Variants in FNIP1 observed in about 807,000 individuals in gnomAD.
FNIP1 encodes folliculin-interacting protein 1.
FNIP1 carries 40 observed loss-of-function variants against 124.5 expected under a neutral mutation model. The ratio of observed to expected loss-of-function variants is 0.32; its 90% CI spans 0.25 to 0.42. FNIP1 has a LOEUF of 0.42. Among genes scored for constraint, FNIP1 ranks in the 10% least tolerant of loss-of-function variants. The pLI is 1.00. For missense variants in FNIP1, 1,176 were observed against 1,403.7 expected, an observed-to-expected ratio of 0.84 and a Z score of 2.59; for synonymous variants, 472 against 470.6, an observed-to-expected ratio of 1.00 and a Z score of -0.04.
intron 1 of FNIP1, among the ~76,000 whole-genome samples, chr5:131,761,916 C>T (rs1771244723): frequency 6.6e-6 from 1 of 152,138 alleles, no homozygotes; most frequent in Non-Finnish European, 1.5e-5. Flanking sequence ...AAAACAAACA[C>T]ACAGACCAAT....
chr5:131,731,041 G>C lies in FNIP1; in HGVS notation c.220-3C>G, dbSNP rs754024842. The C allele has an allele frequency of 6.3e-7, 1 of 1,597,432 alleles. No individual in the cohort carries two copies. The highest frequency in any genetic ancestry group is 8.5e-7 in the Non-Finnish European group (1 of 1,175,138). ...ACTTGAGCATCACTGCCGAGTTTCT[G>C]AAATAACAGATATTTCCACTCATGT... On this transcript the variant is annotated splice_polypyrimidine_tract_variant and splice_region_variant and intron_variant, in intron 2 of 17. Coordinates refer to ENST00000510461, the MANE Select transcript of FNIP1 (RefSeq NM_133372.3).
chr5:131,772,639 C>T (rs939460644), intron 1 of FNIP1, among the ~76,000 whole-genome samples: 1 of 152,156 alleles, frequency 6.6e-6, no homozygotes, highest in Non-Finnish European at 1.5e-5. Flanking sequence ...TTTGGCACTA[C>T]CATGGCCCAT....
intron 1 of FNIP1, among the ~76,000 whole-genome samples, chr5:131,770,902 G>A (rs1435121933): frequency 6.6e-6 from 1 of 152,092 alleles, no homozygotes; most frequent in Non-Finnish European, 1.5e-5. Context: ...AACATTTTCA[G>A]GAAAGATGAA....
At chr5:131,767,199 C>T (rs531724091) in intron 1 of FNIP1, among the ~76,000 whole-genome samples, 4 of 151,804 alleles carry the variant, frequency 2.6e-5, no homozygotes, top group South Asian at 4.2e-4. Context: ...TTTGGGAGGC[C>T]GAGGTGGGCA....
intron 1 of FNIP1, 33 bp downstream of exon 1, chr5:131,796,797 C>A (rs779681451): frequency 5.9e-5 from 91 of 1,546,344 alleles, no homozygotes; most frequent in Non-Finnish European, 7.8e-5. Context: ...ACAAGGCCAT[C>A]GGCTCCGCGA....
chr5:131,766,945 C>T (rs1487802768), intron 1 of FNIP1, among the ~76,000 whole-genome samples: 29 of 152,136 alleles, frequency 1.9e-4, no homozygotes, highest in Admixed American at 1.9e-3. Flanking sequence ...GGCTGATCTG[C>T]ACTCCGTCCA....
At chr5:131,786,740 C>T (rs186252921) in intron 1 of FNIP1, among the ~76,000 whole-genome samples, 108 of 152,240 alleles carry the variant, frequency 7.1e-4, no homozygotes, top group Middle Eastern at 3.4e-3. Flanking sequence ...AGTTCAGCAC[C>T]CCCTTGCTCT....
intron 15 of FNIP1, among the ~76,000 whole-genome samples, chr5:131,667,893 ATTTC>A (rs1168217645): frequency 6.6e-6 from 1 of 152,024 alleles, no homozygotes; most frequent in Non-Finnish European, 1.5e-5. Context: ...GGGCCTCTCT[ATTTC>A]TTTATTAACT....
intron 2 of FNIP1, 145 bp downstream of exon 2, chr5:131,744,419 T>G: frequency 1.3e-6 from 1 of 745,776 alleles, no homozygotes; most frequent in Non-Finnish European, 2.0e-6. Context: ...AATCAAAATG[T>G]TAGATTCACC....
At chr5:131,795,567 T>C (rs1394836162) in intron 1 of FNIP1, 1 of 152,306 alleles carries the variant, frequency 6.6e-6, no homozygotes, top group East Asian at 1.9e-4. Flanking sequence ...CTTTCATTTT[T>C]CAAAGGAAAA....
intron 5 of FNIP1, among the ~76,000 whole-genome samples, chr5:131,718,429 G>C (rs1386977921): frequency 6.6e-6 from 1 of 152,052 alleles, no homozygotes; most frequent in Non-Finnish European, 1.5e-5. Flanking sequence ...TCTCTCTCTG[G>C]GGTCTTCCAC....
At chr5:131,745,995 GT>G (rs1770665240) in intron 1 of FNIP1, among the ~76,000 whole-genome samples, 1 of 152,164 alleles carries the variant, frequency 6.6e-6, no homozygotes, top group Non-Finnish European at 1.5e-5. Context: ...TATGTTCTCT[GT>G]TTTGACCAGA....
intron 1 of FNIP1, among the ~76,000 whole-genome samples, chr5:131,776,251 AT>A (rs2149580812): frequency 6.6e-6 from 1 of 152,320 alleles, no homozygotes; most frequent in South Asian, 2.1e-4. Context: ...TACATCCACA[AT>A]TACATTGGGG....
At chr5:131,720,009 G>A (rs912228398) in intron 3 of FNIP1, among the ~76,000 whole-genome samples, 1 of 152,014 alleles carries the variant, frequency 6.6e-6, no homozygotes, top group Non-Finnish European at 1.5e-5. Flanking sequence ...AACCACAGAA[G>A]ACCACAACCT....
intron 2 of FNIP1, among the ~76,000 whole-genome samples, chr5:131,735,995 G>A (rs1188028209): frequency 6.6e-6 from 1 of 152,026 alleles, no homozygotes; most frequent in Non-Finnish European, 1.5e-5. Flanking sequence ...TCAAACTCCT[G>A]GGCTAAAGTA....
At chr5:131,717,441 T>C (rs1769508072) in intron 5 of FNIP1, among the ~76,000 whole-genome samples, 1 of 152,212 alleles carries the variant, frequency 6.6e-6, no homozygotes, top group Non-Finnish European at 1.5e-5. Context: ...ATTTACTATC[T>C]GGATCTTTAA....
chr5:131,771,097 A>G lies in FNIP1; in HGVS notation c.92+25733T>C, dbSNP rs183485872. On this transcript the variant is annotated intron_variant, in intron 1 of 17. Transcript: ENST00000510461. ...ACGCTATCCCTCCCCACTCCCCACA[A>G]CAGTCCCCAGAGTGTGATGTTCCCC... is the stretch of plus-strand genomic sequence containing the variant. Among the ~76,000 whole-genome samples the G allele has an allele frequency of 2.5e-3, 384 of 152,136 alleles. 1 individual carries two copies. The highest frequency in any genetic ancestry group is 4.0e-3 in the Non-Finnish European group (272 of 67,986).
rs762215239 is a variant in FNIP1, at chr5:131,706,461, A to G, written c.864T>C (p.Arg288=). ...AACTTGTTGTTTGGCTGCGTCGCCA[A>G]CGTCGCTGGTAGCTGCTGGCACAAC... is the stretch of plus-strand genomic sequence containing the variant. ...TRSCASSYQR[R]WRRSQTTSLE... Residue 288 remains arginine, a synonymous_variant, in exon 9 of 18, where the codon CGT becomes CGC. Transcript: ENST00000510461. The G allele has an allele frequency of 4.3e-6, 7 of 1,613,408 alleles. No homozygotes were observed. Among genetic ancestry groups the G allele is most frequent in the Admixed American group, 3.3e-5 (2 of 59,908 alleles).
chr5:131,703,009 C>T (rs1009688082), intron 10 of FNIP1, among the ~76,000 whole-genome samples: 7 of 152,236 alleles, frequency 4.6e-5, no homozygotes, highest in Admixed American at 3.9e-4. Context: ...GATGACTTCT[C>T]TGGTAAACTC....
Sources: gnomAD v4.1 joint callset for allele counts (sites outside exome capture counted in the v4.1 genomes callset) on GRCh38, gnomAD v4.1.1 for gene constraint, MANE v1.5 for transcripts, NCBI Gene and HGNC (gene_info 2026-07-23, HGNC 2026-07-21) for gene names.